The following DLEU7 variants were observed in gnomAD, a reference collection of about 807,000 sequenced individuals.
DLEU7 encodes the protein deleted in lymphocytic leukemia 7, also known as leukemia-associated protein 7.
DLEU7 carries 17 observed loss-of-function variants against 16.0 expected under a neutral mutation model. That is an observed-to-expected ratio of 1.06 (90% CI 0.73 to 1.59). DLEU7 has a LOEUF of 1.59. Among genes scored for constraint, DLEU7 ranks in the 40% most tolerant of loss-of-function variants. DLEU7 has a pLI of 0.00. For missense variants in DLEU7, 308 were observed against 314.9 expected (o/e 0.98, Z 0.17); for synonymous variants, 113 against 139.8 (o/e 0.81, Z 1.35).
chr13:50,775,236 G>A (rs9591359), intron 1 of DLEU7, among the ~76,000 whole-genome samples: 34,560 of 151,512 alleles, frequency 0.23, 4,210 homozygotes, highest in African/African-American at 0.31. Context: ...TCTGAAGAAC[G>A]TTGACTTTTG....
chr13:50,800,841 T>C (rs1000017927), intron 1 of DLEU7, among the ~76,000 whole-genome samples: 2 of 152,096 alleles, frequency 1.3e-5, no homozygotes, highest in Admixed American at 6.5e-5. Context: ...CTCTTGGACT[T>C]TTCTGTCTCC....
intron 1 of DLEU7, among the ~76,000 whole-genome samples, chr13:50,767,989 G>A (rs947940144): frequency 6.6e-6 from 1 of 152,198 alleles, no homozygotes; most frequent in African/African-American, 2.4e-5. Flanking sequence ...CTAGTGGTGT[G>A]TTTTGAAGAA....
At chr13:50,741,449 A>C (rs1283212014) in intron 1 of DLEU7, among the ~76,000 whole-genome samples, 1 of 152,172 alleles carries the variant, frequency 6.6e-6, no homozygotes, top group Non-Finnish European at 1.5e-5. Context: ...GCTGGGCCCC[A>C]GGAATGTGCA....
rs913679350 is a variant in DLEU7, at chr13:50,726,164, C to T, written c.460-12924G>A. ...ACTTCTGCCCTGTGGCCTTAGGACACTTAGGTAACATGGCCTTGCCAACCT... is the reference window on the plus strand; with the variant it reads ...ACTTCTGCCCTGTGGCCTTAGGACATTTAGGTAACATGGCCTTGCCAACCT... On this transcript the variant is annotated intron_variant, in intron 1 of 1. Coordinates refer to the DLEU7 transcript ENST00000400393. This position sits in a 1 kb window ranked among gnomAD's most constrained non-coding sequence, Gnocchi z 4.0. Among the ~76,000 whole-genome samples, 6 of 152,212 alleles carry T rather than the reference C, an allele frequency of 3.9e-5. No homozygotes were observed. The highest frequency in any genetic ancestry group is 1.2e-4 in the African/African-American group (5 of 41,444).
chr13:50,794,934 G>A (rs1033895137), intron 1 of DLEU7, among the ~76,000 whole-genome samples: 7 of 151,220 alleles, frequency 4.6e-5, no homozygotes, highest in Non-Finnish European at 8.8e-5. Context: ...TATATATTAT[G>A]TATTATATAA....
intron 1 of DLEU7, among the ~76,000 whole-genome samples, chr13:50,793,005 T>C (rs1296512490): frequency 6.6e-6 from 1 of 152,154 alleles, no homozygotes; most frequent in Non-Finnish European, 1.5e-5. Flanking sequence ...ACAGGTAGTT[T>C]TTTTCAACCC....
chr13:50,780,886 G>A (rs563945804), intron 1 of DLEU7, among the ~76,000 whole-genome samples: 7 of 152,182 alleles, frequency 4.6e-5, no homozygotes, highest in East Asian at 1.9e-4. Context: ...TCCTGTCTCC[G>A]CTCGTTTCCC....
At chr13:50,758,437 A>C (rs1267408292) in intron 1 of DLEU7, among the ~76,000 whole-genome samples, 1 of 152,190 alleles carries the variant, frequency 6.6e-6, no homozygotes, top group Admixed American at 6.5e-5. Flanking sequence ...AGTGTAAAAA[A>C]AATTTATTAT....
At chr13:50,783,912 T>G (rs943222541) in intron 1 of DLEU7, among the ~76,000 whole-genome samples, 1 of 152,162 alleles carries the variant, frequency 6.6e-6, no homozygotes, top group Non-Finnish European at 1.5e-5. Flanking sequence ...CCAGGCCCTC[T>G]AGGCCTGTGC....
intron 1 of DLEU7, among the ~76,000 whole-genome samples, chr13:50,800,243 A>AC (rs761102817): frequency 5.3e-5 from 8 of 152,224 alleles, no homozygotes; most frequent in Non-Finnish European, 1.0e-4. Flanking sequence ...AAGTTAAAGC[A>AC]CATAGTACTT....
chr13:50,722,865 A>C (rs1023477711), intron 1 of DLEU7, among the ~76,000 whole-genome samples: 3 of 152,214 alleles, frequency 2.0e-5, no homozygotes, highest in Non-Finnish European at 4.4e-5. Flanking sequence ...ATTTCTCCCA[A>C]TAGTAGCAGT....
intron 1 of DLEU7, among the ~76,000 whole-genome samples, chr13:50,780,262 AG>A (rs908039270): frequency 6.6e-6 from 1 of 152,206 alleles, no homozygotes; most frequent in African/African-American, 2.4e-5. Flanking sequence ...AATCATTCCT[AG>A]ATAGCAGTTT....
chr13:50,759,929 C>T (rs111933), intron 1 of DLEU7, among the ~76,000 whole-genome samples: 72,668 of 151,934 alleles, frequency 0.48, 18,578 homozygotes, highest in African/African-American at 0.65. Flanking sequence ...TTTGGACCCT[C>T]CCTTCTGAGA....
At chr13:50,841,589 A>T (rs1877660566) in intron 1 of DLEU7, among the ~76,000 whole-genome samples, 2 of 151,970 alleles carry the variant, frequency 1.3e-5, no homozygotes, top group African/African-American at 2.4e-5. Context: ...AATCAGCCAG[A>T]TGTGGTGGTA....
downstream of DLEU7, among the ~76,000 whole-genome samples, chr13:50,822,211 G>A (rs1876928153): frequency 6.6e-6 from 1 of 152,124 alleles, no homozygotes; most frequent in Non-Finnish European, 1.5e-5. Context: ...GATTCTGGAA[G>A]AAAACATTTA....
At chr13:50,831,660 C>T (rs1877270356) in intron 1 of DLEU7, among the ~76,000 whole-genome samples, 1 of 152,154 alleles carries the variant, frequency 6.6e-6, no homozygotes, top group Non-Finnish European at 1.5e-5. Context: ...CACGCCTGAG[C>T]ACCTACTCAG....
intron 1 of DLEU7, among the ~76,000 whole-genome samples, chr13:50,760,945 T>A (rs577313165): frequency 6.6e-6 from 1 of 152,264 alleles, no homozygotes; most frequent in South Asian, 2.1e-4. Context: ...TTTGTGGTAT[T>A]TCCAAGTAGA....
At chr13:50,745,394 CA>C (rs139655111) in intron 1 of DLEU7, among the ~76,000 whole-genome samples, 6,583 of 152,100 alleles carry the variant, frequency 0.043, 187 homozygotes, top group Non-Finnish European at 0.059. Flanking sequence ...TGATGGTTAT[CA>C]GGGGCTGGGA....
intron 1 of DLEU7, among the ~76,000 whole-genome samples, chr13:50,729,016 A>G (rs1220752915): frequency 6.6e-6 from 1 of 151,924 alleles, no homozygotes; most frequent in Non-Finnish European, 1.5e-5. Context: ...TATCAGATAT[A>G]TTTATTTATT....
Sources: gnomAD v4.1 joint callset for allele counts (sites outside exome capture counted in the v4.1 genomes callset) on GRCh38, gnomAD v4.1.1 for gene constraint, Gnocchi (gnomAD v3.1) non-coding constraint, MANE v1.5 for transcripts, NCBI Gene and HGNC (gene_info 2026-07-23, HGNC 2026-07-21) for gene names.